FGF13: variants seen among roughly 807,000 people sequenced by gnomAD.
The protein encoded by FGF13 is fibroblast growth factor 13.
FGF13 carries 2 observed loss-of-function variants against 19.5 expected under a neutral mutation model. That is an observed-to-expected ratio of 0.10 (90% confidence interval 0.04 to 0.32). FGF13 has a LOEUF of 0.32. Ranked by LOEUF, FGF13 falls within the 10% of genes least tolerant of loss-of-function variation. The probability of loss-of-function intolerance (pLI) is 1.00; values close to 1 mark genes in which losing one functional copy is unlikely to be tolerated. For synonymous variants in FGF13, 72 were observed against 76.9 expected (o/e 0.94, Z 0.33); for missense variants, 113 against 192.7 (o/e 0.59, Z 2.45).
At chrX:138,640,192 T>G (rs1195235781) in intron 3 of FGF13, among the ~76,000 whole-genome samples, 1 of 111,033 alleles carries the variant, frequency 9.0e-6, no homozygotes, top group African/African-American at 3.3e-5. Flanking sequence ...AATAAAACAT[T>G]TGAACCCTAA....
chrX:139,203,507 C>CG (rs1299210353), exon 1 of FGF13: 1,093 of 13,685 alleles, frequency 0.08, 33 homozygotes, highest in East Asian at 0.18. Context: ...TGTCGGGTGG[C>CG]GGGGGGGGGG....
chrX:139,077,626 T>C (rs1239612290), intron 1 of FGF13, among the ~76,000 whole-genome samples: 4 of 111,435 alleles, frequency 3.6e-5, no homozygotes, highest in African/African-American at 1.3e-4. Context: ...AACACAGACT[T>C]GAAACAAGTG....
At chrX:139,166,712 G>A (rs1443778593) in intron 1 of FGF13, among the ~76,000 whole-genome samples, 2 of 111,291 alleles carry the variant, frequency 1.8e-5, no homozygotes, top group African/African-American at 6.5e-5. Context: ...CAGACACCAT[G>A]CCACTGGACT....
chrX:139,112,268 G>A (rs1379029452), intron 1 of FGF13, among the ~76,000 whole-genome samples: 1 of 111,319 alleles, frequency 9.0e-6, no homozygotes, highest in Non-Finnish European at 1.9e-5. Flanking sequence ...TCACAGGGCT[G>A]CTGTGAGATG....
intron 1 of FGF13, among the ~76,000 whole-genome samples, chrX:138,922,941 ATGAAT>A (rs2091654354): frequency 8.9e-6 from 1 of 112,179 alleles, no homozygotes; most frequent in African/African-American, 3.2e-5. Flanking sequence ...TTGAAATGAG[ATGAAT>A]TAAATTGCAT....
intron 3 of FGF13, chrX:138,667,935 G>C (rs913588560): frequency 1.1e-5 from 2 of 176,951 alleles, no homozygotes; most frequent in Non-Finnish European, 2.2e-5. Flanking sequence ...CTGTGGCCTT[G>C]TGGATCAGTT....
At chrX:138,918,511 A>T (rs1038969210) in intron 1 of FGF13, among the ~76,000 whole-genome samples, 2 of 111,485 alleles carry the variant, frequency 1.8e-5, no homozygotes, top group African/African-American at 3.3e-5. Flanking sequence ...TTGCTCTGTG[A>T]GGTCTTAGGT....
At chrX:138,965,243 G>A (rs1485290754) in intron 1 of FGF13, among the ~76,000 whole-genome samples, 1 of 112,065 alleles carries the variant, frequency 8.9e-6, no homozygotes, top group Non-Finnish European at 1.9e-5. Flanking sequence ...TCATCTCTCA[G>A]GCTGTGTTAG....
At chrX:138,995,604 C>T (rs751215877) in intron 1 of FGF13, among the ~76,000 whole-genome samples, 3 of 112,440 alleles carry the variant, frequency 2.7e-5, no homozygotes, top group Non-Finnish European at 3.8e-5. Flanking sequence ...GTATGATAGC[C>T]TCCAGCTCCA....
chrX:138,888,871 G>A (rs1159214771), intron 1 of FGF13, among the ~76,000 whole-genome samples: 1 of 111,634 alleles, frequency 9.0e-6, no homozygotes, highest in African/African-American at 3.3e-5. Context: ...TCTCATGAAT[G>A]CCATCATTCT....
At chrX:139,020,447 T>C (rs1418868141) in intron 1 of FGF13, among the ~76,000 whole-genome samples, 1 of 110,993 alleles carries the variant, frequency 9.0e-6, no homozygotes, top group Non-Finnish European at 1.9e-5. Context: ...GTAAATTGTA[T>C]ACCTGCCCCT....
At chrX:139,203,244 C>T (rs2084430924) in intron 1 of FGF13, among the ~76,000 whole-genome samples, 1 of 111,359 alleles carries the variant, frequency 9.0e-6, no homozygotes, top group African/African-American at 3.3e-5. Context: ...GTGCCCCGGG[C>T]GCGGTGGCTG....
intron 3 of FGF13, among the ~76,000 whole-genome samples, chrX:138,847,664 C>T (rs753101816): frequency 9.0e-6 from 1 of 111,304 alleles, no homozygotes; most frequent in African/African-American, 3.3e-5. Context: ...TAAAAAATGC[C>T]GTAGAGTATA....
At chrX:138,759,393 C>T (rs2090451286) in intron 3 of FGF13, among the ~76,000 whole-genome samples, 1 of 112,549 alleles carries the variant, frequency 8.9e-6, no homozygotes, top group Non-Finnish European at 1.9e-5. Context: ...GTAAGCAAAG[C>T]AGGGCATTGC....
intron 1 of FGF13, among the ~76,000 whole-genome samples, chrX:138,876,750 T>G (rs1602987789): frequency 8.9e-6 from 1 of 112,162 alleles, no homozygotes; most frequent in East Asian, 2.8e-4. Context: ...GCCCCAAATG[T>G]GCTGTCATTT....
chrX:139,110,226 T>A (rs957418093), intron 1 of FGF13, among the ~76,000 whole-genome samples: 33 of 110,351 alleles, frequency 3.0e-4, no homozygotes, highest in Admixed American at 1.7e-3. Context: ...AATGTATATA[T>A]AAATGTATAT....
chrX:138,782,861 T>G (rs1445749728), intron 3 of FGF13, among the ~76,000 whole-genome samples: 49 of 92,736 alleles, frequency 5.3e-4, no homozygotes, highest in Non-Finnish European at 9.3e-4. Flanking sequence ...GCCAAGTCAA[T>G]CCTAAGCCAA....
chrX:139,153,287 A>G (rs901958266), intron 1 of FGF13, among the ~76,000 whole-genome samples: 4 of 109,766 alleles, frequency 3.6e-5, no homozygotes, highest in Non-Finnish European at 5.7e-5. Flanking sequence ...AATTTGCCTC[A>G]ATGTCTGTTG....
At chrX:138,639,168 C>G (rs558832657) in intron 3 of FGF13, among the ~76,000 whole-genome samples, 109 of 111,798 alleles carry the variant, frequency 9.7e-4, no homozygotes, top group African/African-American at 3.4e-3. Context: ...AGTTTCACCC[C>G]TATGTCTCTG....
Sources: allele counts gnomAD v4.1 joint callset (sites outside exome capture counted in the v4.1 genomes callset), GRCh38; gene constraint gnomAD v4.1.1; transcripts MANE v1.5; gene names NCBI Gene and HGNC (gene_info 2026-07-23, HGNC 2026-07-21).